Variants in CACNA2D3 observed in about 807,000 individuals in gnomAD.
CACNA2D3 encodes calcium voltage-gated channel auxiliary subunit alpha2delta 3.
CACNA2D3 carries 60 observed loss-of-function variants against 160.6 expected under a neutral mutation model. The ratio of observed to expected loss-of-function variants is 0.37; its 90% CI spans 0.30 to 0.46. The LOEUF (loss-of-function observed/expected upper bound fraction) is 0.46, where lower values mean the gene tolerates loss of function less well. CACNA2D3 is among the 20% of genes least tolerant of loss of function. The pLI, the probability that CACNA2D3 is intolerant of heterozygous loss-of-function variation, is 1.00. For missense variants in CACNA2D3, 1,205 were observed against 1,365.0 expected (o/e 0.88, Z 1.85); for synonymous variants, 558 against 492.9 (o/e 1.13, Z -1.75).
chr3:54,821,726 TC>T (rs1703607638), intron 14 of CACNA2D3, among the ~76,000 whole-genome samples: 1 of 150,108 alleles, frequency 6.7e-6, no homozygotes, highest in African/African-American at 2.5e-5. Flanking sequence ...CCTCTCTCTC[TC>T]TCTCTCTCTT....
chr3:55,038,763 T>C (rs1186975090), intron 35 of CACNA2D3, among the ~76,000 whole-genome samples: 2 of 151,262 alleles, frequency 1.3e-5, no homozygotes, highest in Non-Finnish European at 2.9e-5. Context: ...ATAATTTCCA[T>C]ATAGAATGGA....
At chr3:54,427,949 A>G (rs1336201774) in intron 4 of CACNA2D3, among the ~76,000 whole-genome samples, 3 of 152,230 alleles carry the variant, frequency 2.0e-5, no homozygotes, top group Non-Finnish European at 2.9e-5. Flanking sequence ...AGAGCCCTCA[A>G]CATGATTTCT....
At chr3:54,688,573 G>A (rs1235299963) in intron 11 of CACNA2D3, among the ~76,000 whole-genome samples, 1 of 151,718 alleles carries the variant, frequency 6.6e-6, no homozygotes, top group Non-Finnish European at 1.5e-5. Context: ...TCAATATTTA[G>A]GTCTGCATTA....
At chr3:54,418,249 G>T (rs1699785919) in intron 4 of CACNA2D3, among the ~76,000 whole-genome samples, 1 of 152,190 alleles carries the variant, frequency 6.6e-6, no homozygotes, top group South Asian at 2.1e-4. Context: ...TTACTTGGAA[G>T]TAATTCTGTC....
chr3:54,604,828 C>T (rs1366709937), intron 9 of CACNA2D3, among the ~76,000 whole-genome samples: 1 of 152,176 alleles, frequency 6.6e-6, no homozygotes, highest in Non-Finnish European at 1.5e-5. Flanking sequence ...TTAACATAAA[C>T]ATCAGATCAC....
intron 2 of CACNA2D3, among the ~76,000 whole-genome samples, chr3:54,185,097 A>G (rs7641217): frequency 0.2 from 30,419 of 152,134 alleles, 3,132 homozygotes; most frequent in South Asian, 0.25. Context: ...CAGGATAGTA[A>G]TGAACCCATT....
chr3:54,946,414 G>C (rs1701615522), intron 27 of CACNA2D3, among the ~76,000 whole-genome samples: 2 of 152,148 alleles, frequency 1.3e-5, no homozygotes, highest in Admixed American at 6.5e-5. Flanking sequence ...CCTTCACTGT[G>C]TCCCCAGCAC....
chr3:54,986,779 T>G, intron 30 of CACNA2D3, among the ~76,000 whole-genome samples: 1 of 114,918 alleles, frequency 8.7e-6, no homozygotes, highest in South Asian at 3.0e-4. Flanking sequence ...GCACCCAGAG[T>G]AGAGATGGGG....
intron 34 of CACNA2D3, among the ~76,000 whole-genome samples, chr3:55,011,430 A>G (rs952846767): frequency 1.3e-5 from 2 of 152,224 alleles, no homozygotes; most frequent in African/African-American, 2.4e-5. Flanking sequence ...TGATAGGATG[A>G]TCATCACCAG....
intron 35 of CACNA2D3, among the ~76,000 whole-genome samples, chr3:55,036,144 C>A (rs1383094981): frequency 6.6e-6 from 1 of 152,120 alleles, no homozygotes; most frequent in Non-Finnish European, 1.5e-5. Context: ...AGTCTATTAA[C>A]CATAAAATGA....
chr3:54,518,825 A>AT (rs909838620), intron 5 of CACNA2D3, among the ~76,000 whole-genome samples: 24 of 152,102 alleles, frequency 1.6e-4, no homozygotes, highest in African/African-American at 4.1e-4. Flanking sequence ...TTTGGTGGTT[A>AT]TTTTTTTTAC....
chr3:54,178,171 G>C (rs1436086818), intron 2 of CACNA2D3, among the ~76,000 whole-genome samples: 2 of 152,192 alleles, frequency 1.3e-5, no homozygotes, highest in Non-Finnish European at 2.9e-5. Context: ...TATGTGGTCA[G>C]TTTGGTCATG....
At chr3:54,386,687 G>A (rs1435389369) in intron 3 of CACNA2D3, 28 bp from the exon 4 acceptor site, 12 of 1,404,134 alleles carry the variant, frequency 8.5e-6, no homozygotes, top group Non-Finnish European at 1.1e-5. Flanking sequence ...CCTTAATGCT[G>A]TCTTCTGTTT....
intron 2 of CACNA2D3, among the ~76,000 whole-genome samples, chr3:54,240,549 C>T (rs559505921): frequency 6.6e-6 from 1 of 152,190 alleles, no homozygotes; most frequent in East Asian, 1.9e-4. Flanking sequence ...CATCCAACAG[C>T]GCATGCATTT....
chr3:54,678,746 A>AAAAAAAAAAAC, intron 11 of CACNA2D3, among the ~76,000 whole-genome samples: 1 of 149,956 alleles, frequency 6.7e-6, no homozygotes, highest in South Asian at 2.1e-4. Flanking sequence ...AAAAAAAAAA[A>AAAAAAAAAAAC]AAAGTTGATG....
At chr3:54,206,598 G>A (rs1701280949) in intron 2 of CACNA2D3, among the ~76,000 whole-genome samples, 1 of 152,156 alleles carries the variant, frequency 6.6e-6, no homozygotes, top group Non-Finnish European at 1.5e-5. Flanking sequence ...CTAATGCTAA[G>A]CTATGTAGCA....
At chr3:55,063,893 G>C (rs1704572964) in intron 35 of CACNA2D3, among the ~76,000 whole-genome samples, 1 of 152,234 alleles carries the variant, frequency 6.6e-6, no homozygotes, top group Non-Finnish European at 1.5e-5. Flanking sequence ...GCCAGGCCCA[G>C]TGCAAAATAA....
intron 4 of CACNA2D3, among the ~76,000 whole-genome samples, chr3:54,393,701 G>A (rs951771728): frequency 6.6e-6 from 1 of 152,222 alleles, no homozygotes; most frequent in Non-Finnish European, 1.5e-5. Context: ...TCAACTCGTG[G>A]GGAAATGGAG....
At chr3:54,853,015 C>T (rs1298998735) in intron 17 of CACNA2D3, among the ~76,000 whole-genome samples, 1 of 152,182 alleles carries the variant, frequency 6.6e-6, no homozygotes, top group East Asian at 1.9e-4. Context: ...TTCGTCCGTT[C>T]CTCAGAAACC....
Sources: allele counts gnomAD v4.1 joint callset (sites outside exome capture counted in the v4.1 genomes callset), GRCh38; gene constraint gnomAD v4.1.1; transcripts MANE v1.5; gene names NCBI Gene and HGNC (gene_info 2026-07-23, HGNC 2026-07-21).